LARGE1: variants seen among roughly 807,000 people sequenced by gnomAD.
LARGE1 encodes the protein xylosyl- and glucuronyltransferase LARGE1.
A neutral mutation model predicts 87.6 loss-of-function variants in LARGE1; 43 were observed. That is an observed-to-expected ratio of 0.49 (90% CI 0.38 to 0.63). LARGE1 has a LOEUF of 0.63. LARGE1 is among the 30% of genes least tolerant of loss of function. The pLI is 0.00. For missense variants in LARGE1, 802 were observed against 1,000.2 expected (o/e 0.80, Z 2.67); for synonymous variants, 434 against 394.6 (o/e 1.10, Z -1.18).
Position 33,848,808 on chromosome 22 carries a change from C to T in LARGE1, c.-83+71187G>A, listed in dbSNP as rs138337302. The stretch of plus-strand genomic sequence containing the variant: ...ACCTGGGGTCAGGTCCTTGATCTGT[C>T]CCCCTGGGCAAATCACTTTCCCGAG... On this transcript the variant is annotated intron_variant, in intron 1 of 14. Transcript: ENST00000397394. 2.8e-3 allele frequency among the ~76,000 whole-genome samples: 419 copies of T among 152,326 alleles called. 4 individuals carry two copies. Among genetic ancestry groups the T allele is most frequent in the Middle Eastern group, 6.8e-3 (2 of 292 alleles).
intron 6 of LARGE1, among the ~76,000 whole-genome samples, chr22:33,547,112 G>C (rs2077381528): frequency 6.6e-6 from 1 of 151,878 alleles, no homozygotes; most frequent in African/African-American, 2.4e-5. Flanking sequence ...CTTTTGTGAA[G>C]ATGAAAGAAG....
At chr22:33,354,437 A>G (rs1940700889) in intron 9 of LARGE1, among the ~76,000 whole-genome samples, 1 of 152,234 alleles carries the variant, frequency 6.6e-6, no homozygotes, top group Admixed American at 6.5e-5. Flanking sequence ...ACTATAAAGA[A>G]ATCAATTTAC....
intron 2 of LARGE1, among the ~76,000 whole-genome samples, chr22:33,675,292 CAAAAAAAAAAAAAA>C (rs71320987): frequency 3.0e-4 from 10 of 32,918 alleles, no homozygotes; most frequent in African/African-American, 7.3e-4. Context: ...GAAACTCCAT[CAAAAAAAAAAAAAA>C]AAAAAAAAAA....
At chr22:33,328,035 T>G (rs919317435) in intron 10 of LARGE1, among the ~76,000 whole-genome samples, 11 of 152,200 alleles carry the variant, frequency 7.2e-5, no homozygotes, top group Admixed American at 2.0e-4. Context: ...GCTTACATTC[T>G]AGTGGGTAGA....
intron 6 of LARGE1, among the ~76,000 whole-genome samples, chr22:33,438,000 C>A (rs765984724): frequency 1.3e-5 from 2 of 152,012 alleles, no homozygotes; most frequent in Non-Finnish European, 2.9e-5. Context: ...TGCAGCCAGG[C>A]CTCCCCAAAA....
chr22:33,516,772 G>A (rs1470426156), intron 6 of LARGE1, among the ~76,000 whole-genome samples: 4 of 152,114 alleles, frequency 2.6e-5, no homozygotes, highest in African/African-American at 9.7e-5. Context: ...TTTTAGTAGA[G>A]ATGGGGTCTC....
chr22:33,371,637 T>C (rs995303072), intron 9 of LARGE1, among the ~76,000 whole-genome samples: 3 of 152,236 alleles, frequency 2.0e-5, no homozygotes, highest in African/African-American at 7.2e-5. Flanking sequence ...ATTTCAGTTT[T>C]CATAAGTAAT....
chr22:33,363,958 G>A lies in LARGE1; in HGVS notation c.1131+17961C>T, dbSNP rs987098210. 2.3e-4 allele frequency among the ~76,000 whole-genome samples: 34 copies of A among 149,840 alleles called. 2 individuals carry two copies. The highest frequency in any genetic ancestry group is 1.1e-3 in the Admixed American group (16 of 15,160). ...ACCCTCTGGGTCCTCTTGGTGCCTG[G>A]ACATTTCTGTGGAGCCCTCAGGGAT... On this transcript the variant is annotated intron_variant, in intron 9 of 14. Coordinates refer to ENST00000397394, the MANE Select transcript of LARGE1 (RefSeq NM_133642.5).
At chr22:33,215,553 T>C (rs113555718) in intron 11 of LARGE1, among the ~76,000 whole-genome samples, 2 of 152,282 alleles carry the variant, frequency 1.3e-5, no homozygotes, top group Admixed American at 6.5e-5. Context: ...CCCTGATGAG[T>C]AGAAATTTCA....
At chr22:33,516,867 A>G (rs1320161089) in intron 6 of LARGE1, among the ~76,000 whole-genome samples, 1 of 152,136 alleles carries the variant, frequency 6.6e-6, no homozygotes, top group Non-Finnish European at 1.5e-5. Context: ...TACAGGCGTG[A>G]GCCACCATGC....
chr22:33,292,602 G>A (rs536538758), intron 12 of LARGE1, among the ~76,000 whole-genome samples: 1 of 152,236 alleles, frequency 6.6e-6, no homozygotes, highest in African/African-American at 2.4e-5. Flanking sequence ...ATAAACAGGA[G>A]AGTCCACGCC....
At chr22:33,713,354 A>G (rs967195816) in intron 2 of LARGE1, among the ~76,000 whole-genome samples, 4 of 152,144 alleles carry the variant, frequency 2.6e-5, no homozygotes, top group African/African-American at 7.2e-5. Flanking sequence ...ATGTATCCCT[A>G]AACAGCCTTT....
At chr22:33,526,251 G>A (rs2071888786) in intron 6 of LARGE1, among the ~76,000 whole-genome samples, 1 of 152,160 alleles carries the variant, frequency 6.6e-6, no homozygotes, top group Non-Finnish European at 1.5e-5. Context: ...ATTCTACAGA[G>A]GATTAGTGGA....
chr22:33,196,838 G>A (rs1924108416), intron 11 of LARGE1, among the ~76,000 whole-genome samples: 2 of 152,006 alleles, frequency 1.3e-5, no homozygotes, highest in South Asian at 4.1e-4. Context: ...AGAATTACAG[G>A]CCACTATGCC....
At chr22:33,305,775 T>C (rs1934792051) in intron 11 of LARGE1, 1 of 156,244 alleles carries the variant, frequency 6.4e-6, no homozygotes, top group Non-Finnish European at 1.4e-5. Context: ...CAGTGCAAAA[T>C]GCTCTCCATT....
chr22:33,236,008 G>C (rs1342773379), intron 11 of LARGE1, among the ~76,000 whole-genome samples: 3 of 152,192 alleles, frequency 2.0e-5, no homozygotes, highest in Non-Finnish European at 4.4e-5. Flanking sequence ...GAGATGCAGG[G>C]AAGAAAGCCA....
chr22:33,849,084 G>A (rs887987556), intron 1 of LARGE1, among the ~76,000 whole-genome samples: 1 of 152,150 alleles, frequency 6.6e-6, no homozygotes, highest in African/African-American at 2.4e-5. Context: ...ACTGTGTAGA[G>A]AAAGAAGAGC....
At chr22:33,615,730 A>G (rs1477281106) in intron 4 of LARGE1, among the ~76,000 whole-genome samples, 4 of 152,204 alleles carry the variant, frequency 2.6e-5, no homozygotes, top group Non-Finnish European at 5.9e-5. Context: ...AAGAAAGTGA[A>G]AAACTACCAG....
chr22:33,406,895 C>G (rs866902768), intron 7 of LARGE1, among the ~76,000 whole-genome samples: 1 of 152,000 alleles, frequency 6.6e-6, no homozygotes, highest in South Asian at 2.1e-4. Flanking sequence ...CAGGTTCAGG[C>G]GATTCTCCTG....
Sources: gnomAD v4.1 joint callset for allele counts (sites outside exome capture counted in the v4.1 genomes callset) on GRCh38, gnomAD v4.1.1 for gene constraint, MANE v1.5 for transcripts, NCBI Gene and HGNC (gene_info 2026-07-23, HGNC 2026-07-21) for gene names.